The following IL1R1 variants were observed in gnomAD, a reference collection of about 807,000 sequenced individuals.
The protein encoded by IL1R1 is interleukin 1 receptor type 1.
In IL1R1, 22 loss-of-function variants were observed where a neutral mutation model predicts 50.2. The ratio of observed to expected loss-of-function variants is 0.44; its 90% CI spans 0.31 to 0.63. IL1R1 has a LOEUF of 0.63. IL1R1 is among the 20% of genes least tolerant of loss of function. The pLI, the probability that IL1R1 is intolerant of heterozygous loss-of-function variation, is 0.07. For missense variants in IL1R1, 509 were observed against 676.2 expected, an observed-to-expected ratio of 0.75 and a Z score of 2.74; for synonymous variants, 251 against 236.7, an observed-to-expected ratio of 1.06 and a Z score of -0.55.
intron 1 of IL1R1, among the ~76,000 whole-genome samples, chr2:102,077,232 G>T (rs930549773): frequency 1.3e-5 from 2 of 151,994 alleles, no homozygotes; most frequent in Admixed American, 1.3e-4. Flanking sequence ...CACCATGCTG[G>T]TCTAATTTTT....
intron 1 of IL1R1, among the ~76,000 whole-genome samples, chr2:102,090,218 C>T (rs755449067): frequency 1.3e-5 from 2 of 151,034 alleles, no homozygotes; most frequent in African/African-American, 2.4e-5. Context: ...CCACCACCTA[C>T]CATGGGGAGT....
chr2:102,176,362 A>C lies in IL1R1; in HGVS notation c.1313A>C (p.Glu438Ala). The C allele has an allele frequency of 1.2e-6, 2 of 1,613,472 alleles. No individual in the cohort carries two copies. The highest frequency in any genetic ancestry group is 1.7e-6 in the Non-Finnish European group (2 of 1,179,690). The change falls in exon 12 of 12, where the codon GAG becomes GCG. Residue 438 changes from glutamate to alanine, a missense_variant. By Grantham distance (107) the Glu-to-Ala change is moderately radical. Transcript: ENST00000410023. ...RDDYVGEDIV[E>A]VINENVKKSR... Reference sequence around the variant, plus strand: ...GCTTCCTGTTTTTCAGACATTGTTGAGGTCATTAATGAAAACGTAAAGAAA... The same window carrying C: ...GCTTCCTGTTTTTCAGACATTGTTGCGGTCATTAATGAAAACGTAAAGAAA...
rs1217668754 is a variant in IL1R1 at position 102,072,214 on chromosome 2, T to C, written c.-84+1681T>C. On this transcript the variant is annotated intron_variant, in intron 1 of 11. Transcript: ENST00000409929. Reference sequence around the variant, plus strand: ...GGTGGAGGTTGCAGTGAGCCGAGATTGTGCCATTGCACTCCAGCCTGGGTG... The same window carrying C: ...GGTGGAGGTTGCAGTGAGCCGAGATCGTGCCATTGCACTCCAGCCTGGGTG... 2.6e-5 allele frequency among the ~76,000 whole-genome samples: 4 copies of C among 150,980 alleles called. No homozygotes were observed. The South Asian group carries it at 6.2e-4, about 24-fold the overall frequency.
In IL1R1 at chr2:102,151,222, G is replaced by A. The variant is rs147929238; in HGVS notation, c.-83-2719G>A. On this transcript the variant is annotated intron_variant, in intron 1 of 11. Coordinates refer to ENST00000410023, the MANE Select transcript of IL1R1 (RefSeq NM_000877.4). ...CCTCAACTCTTTCGACAGCCATCTG[G>A]GTGTGAACTCTTTATCTAACTCCTT... Among the ~76,000 whole-genome samples the A allele has an allele frequency of 1.2e-3, 182 of 152,050 alleles. 2 individuals are homozygous for A. Among genetic ancestry groups the A allele is most frequent in the South Asian group, 9.8e-3 (47 of 4,782 alleles).
chr2:102,129,676 G>A (rs1681924955), intron 1 of IL1R1, among the ~76,000 whole-genome samples: 2 of 152,312 alleles, frequency 1.3e-5, no homozygotes, highest in African/African-American at 2.4e-5. Flanking sequence ...CTGTTGACGA[G>A]GGTGCCCCTC....
In IL1R1 at chr2:102,124,732, A is replaced by T. The variant is rs1019320343; in HGVS notation, c.-84+19860A>T. Among the ~76,000 whole-genome samples the T allele has an allele frequency of 1.1e-4, 16 of 152,188 alleles. No individual in the cohort carries two copies. The East Asian group carries it at 2.5e-3, about 24-fold the overall frequency. ...CAGGAGTTTGGGACCAGCCTGGCCA[A>T]CATGGTAAAACCCTGTCTCTATTAA... On this transcript the variant is annotated intron_variant, in intron 1 of 10. Transcript: ENST00000409329.
intron 8 of IL1R1, chr2:102,172,187 A>C: frequency 2.6e-6 from 2 of 766,314 alleles, no homozygotes; most frequent in Non-Finnish European, 3.2e-6. Flanking sequence ...CAACGAAGCA[A>C]TTATCTTTCA....
In IL1R1 at chr2:102,148,904, C is replaced by T. The variant is rs148052508; in HGVS notation, c.-83-5037C>T. ...AGGCTGCAGTGAGCTGTAATCACAC[C>T]ACTGCACTGCAGTCTGGGTAACAGA... On this transcript the variant is annotated intron_variant, in intron 1 of 11. Transcript: ENST00000410023. 3.9e-5 allele frequency among the ~76,000 whole-genome samples: 6 copies of T among 152,230 alleles called. No homozygotes were observed. In the East Asian group the frequency reaches 1.2e-3, roughly 29 times the overall value.
chr2:102,093,942 C>T (rs771628884), intron 1 of IL1R1, among the ~76,000 whole-genome samples: 42 of 152,296 alleles, frequency 2.8e-4, no homozygotes, highest in Middle Eastern at 6.8e-3. Context: ...ACGCCCGGTT[C>T]CAGAACCTGC....
intron 1 of IL1R1, among the ~76,000 whole-genome samples, chr2:102,095,800 C>G (rs546675360): frequency 1.3e-5 from 2 of 152,050 alleles, no homozygotes; most frequent in African/African-American, 4.8e-5. Flanking sequence ...GTTAGGAGAT[C>G]GAGACCATCC....
At chr2:102,073,282 T>C (rs565235542) in intron 1 of IL1R1, among the ~76,000 whole-genome samples, 2 of 152,306 alleles carry the variant, frequency 1.3e-5, no homozygotes, top group East Asian at 3.9e-4. Context: ...CTTATTCTCA[T>C]GTAGCCTAAA....
chr2:102,134,361 A>T (rs1368313442), intron 1 of IL1R1, among the ~76,000 whole-genome samples: 2 of 148,086 alleles, frequency 1.4e-5, no homozygotes, highest in Non-Finnish European at 3.0e-5. Context: ...TACCTGCATC[A>T]CTACTTTCTT....
chr2:102,157,654 T>G (rs1375667492), intron 2 of IL1R1, 65 bp from the exon 3 acceptor site: 4 of 1,039,272 alleles, frequency 3.8e-6, no homozygotes, highest in Non-Finnish European at 6.0e-6. Context: ...ATATTTAGTT[T>G]TAGAGATTTG....
chr2:102,172,335 C>G, intron 8 of IL1R1: 2 of 985,214 alleles, frequency 2.0e-6, no homozygotes, highest in Non-Finnish European at 2.4e-6. Flanking sequence ...CTTCCCATGA[C>G]CTCTCCTTCA....
intron 1 of IL1R1, among the ~76,000 whole-genome samples, chr2:102,091,870 C>A (rs1293210347): frequency 3.3e-5 from 5 of 152,200 alleles, no homozygotes; most frequent in Non-Finnish European, 7.4e-5. Context: ...AGAATAAGAA[C>A]ATGCAAAATT....
At chr2:102,095,482 A>G (rs966375505) in intron 1 of IL1R1, among the ~76,000 whole-genome samples, 2 of 152,218 alleles carry the variant, frequency 1.3e-5, no homozygotes, top group African/African-American at 4.8e-5. Flanking sequence ...CAGAGAATAA[A>G]TGTAATGTAT....
Position 102,088,676 on chromosome 2 carries a change from A to T in IL1R1, c.-84+18143A>T, listed in dbSNP as rs547884387. ...AACCAGACGTTGACTTCTTTTCTCC[A>T]CTATAAAAGTCCTAGATGGCATTTT... On this transcript the variant is annotated intron_variant, in intron 1 of 11. Coordinates refer to the IL1R1 transcript ENST00000409929. Among the ~76,000 whole-genome samples, 144 of 152,316 alleles carry T rather than the reference A, an allele frequency of 9.5e-4. 1 individual carries two copies. The highest frequency in any genetic ancestry group is 3.3e-3 in the African/African-American group (137 of 41,588).
chr2:102,070,886 G>C (rs973346925), intron 1 of IL1R1, among the ~76,000 whole-genome samples: 1 of 152,116 alleles, frequency 6.6e-6, no homozygotes, highest in African/African-American at 2.4e-5. Flanking sequence ...TCTCAGGCTT[G>C]AGGGTTGGGG....
At chr2:102,106,409 CT>C (rs1395906649) in intron 1 of IL1R1, among the ~76,000 whole-genome samples, 1 of 152,154 alleles carries the variant, frequency 6.6e-6, no homozygotes, top group African/African-American at 2.4e-5. Flanking sequence ...TAAAAAGATT[CT>C]TATGGCCTTT....
Sources: gnomAD v4.1 joint callset for allele counts (sites outside exome capture counted in the v4.1 genomes callset) on GRCh38, gnomAD v4.1.1 for gene constraint, MANE v1.5 for transcripts, NCBI Gene and HGNC (gene_info 2026-07-23, HGNC 2026-07-21) for gene names.